Variants in DOCK7 observed in about 807,000 individuals in gnomAD.
The protein encoded by DOCK7 is dedicator of cytokinesis 7.
DOCK7 carries 138 observed loss-of-function variants against 271.0 expected under a neutral mutation model. The ratio of observed to expected loss-of-function variants is 0.51; its 90% CI spans 0.44 to 0.59. The LOEUF is 0.59. DOCK7 is among the 20% of genes least tolerant of loss of function. The pLI is 0.00. For synonymous variants in DOCK7, 823 were observed against 876.1 expected (o/e 0.94, Z 1.07); for missense variants, 2,066 against 2,592.4 (o/e 0.80, Z 4.41).
intron 14 of DOCK7, chr1:62,605,497 A>G (rs1650855008): frequency 6.6e-6 from 1 of 152,618 alleles, no homozygotes; most frequent in Non-Finnish European, 1.5e-5. Context: ...ATGAGGTATC[A>G]CTATACCTTA....
chr1:62,604,819 C>G, intron 14 of DOCK7: 5 of 1,612,366 alleles, frequency 3.1e-6, no homozygotes, highest in Non-Finnish European at 4.2e-6. Context: ...TTTGAATGAA[C>G]TGAGGCAAAT....
rs1302012794 is a variant in DOCK7 at position 62,457,627 on chromosome 1, G to A, written c.6291C>T (p.Asn2097=). The change falls in exon 49 of 50, where the codon AAC becomes AAT. Residue 2097 remains asparagine, a synonymous_variant. Transcript: ENST00000635253. The part of the protein sequence containing the change: ...QKEYQRELER[N]YHRLKEALQP... ...GTAGGGCCTCTTTAAGGCGATGATAGTTTCTCTCCAGTTCCCTTTGATACT... is the reference window on the plus strand; with the variant it reads ...GTAGGGCCTCTTTAAGGCGATGATAATTTCTCTCCAGTTCCCTTTGATACT... 7 of 1,614,038 alleles carry A rather than the reference G, an allele frequency of 4.3e-6. No individual in the cohort carries two copies. Among genetic ancestry groups the A allele is most frequent in the Admixed American group, 1.7e-5 (1 of 60,012 alleles).
chr1:62,613,083 C>T (rs1050280677), intron 14 of DOCK7, among the ~76,000 whole-genome samples: 4 of 152,186 alleles, frequency 2.6e-5, no homozygotes, highest in Non-Finnish European at 5.9e-5. Context: ...AGTAACATTG[C>T]ATACAATCTA....
chr1:62,513,253 C>CGGGGGGGGGGGGG (rs61042514), intron 33 of DOCK7, among the ~76,000 whole-genome samples, 191 bp downstream of exon 33: 2 of 35,448 alleles, frequency 5.6e-5, no homozygotes, highest in Non-Finnish European at 5.8e-5. Context: ...CTAGAGAAAA[C>CGGGGGGGGGGGGG]GGGGGGGGGG....
intron 1 of DOCK7, among the ~76,000 whole-genome samples, chr1:62,663,346 T>G (rs1279242021): frequency 6.6e-6 from 1 of 152,176 alleles, no homozygotes; most frequent in Non-Finnish European, 1.5e-5. Flanking sequence ...GGTACAAGAC[T>G]GACAGACAAC....
intron 1 of DOCK7, among the ~76,000 whole-genome samples, chr1:62,685,330 C>T (rs1661604023): frequency 6.6e-6 from 1 of 152,148 alleles, no homozygotes; most frequent in Non-Finnish European, 1.5e-5. Context: ...AGAATTTGTG[C>T]TATACTTCCT....
chr1:62,614,927 G>GA (rs1571776356), intron 14 of DOCK7, among the ~76,000 whole-genome samples: 1 of 151,258 alleles, frequency 6.6e-6, no homozygotes, highest in Admixed American at 6.6e-5. Context: ...ACATTGACTG[G>GA]AAAAAAAATG....
chr1:62,517,539 G>A (rs966173111), intron 31 of DOCK7, among the ~76,000 whole-genome samples: 6 of 152,142 alleles, frequency 3.9e-5, no homozygotes, highest in African/African-American at 1.4e-4. Flanking sequence ...AGGTTGCAGT[G>A]AGCCGAGATT....
At chr1:62,492,988 C>A in intron 40 of DOCK7, 141 bp from the exon 41 acceptor site, 1 of 610,506 alleles carries the variant, frequency 1.6e-6, no homozygotes, top group South Asian at 2.7e-5. Context: ...AAAGATAAAT[C>A]TCTAAAAACT....
At chr1:62,671,509 G>A (rs1186031770) in intron 1 of DOCK7, among the ~76,000 whole-genome samples, 2 of 152,150 alleles carry the variant, frequency 1.3e-5, no homozygotes, top group African/African-American at 4.8e-5. Context: ...TAAGAATTTA[G>A]AGAGAGGAAA....
intron 14 of DOCK7, chr1:62,598,888 T>C (rs1649694678): frequency 1.2e-6 from 1 of 851,322 alleles, no homozygotes. Flanking sequence ...TTACAAGCTT[T>C]AACTGGATCA....
At chr1:62,483,864 G>C (rs1437466687) in intron 43 of DOCK7, 1 of 152,152 alleles carries the variant, frequency 6.6e-6, no homozygotes, top group East Asian at 1.9e-4. Context: ...TACAGGTGTG[G>C]GCCACTGTGC....
chr1:62,682,508 A>G (rs1366836106), intron 1 of DOCK7, among the ~76,000 whole-genome samples: 2 of 152,188 alleles, frequency 1.3e-5, no homozygotes, highest in African/African-American at 4.8e-5. Context: ...AGCAGTATAA[A>G]AACAGGGAAG....
chr1:62,596,603 T>C (rs1649284530), intron 14 of DOCK7, among the ~76,000 whole-genome samples: 1 of 152,114 alleles, frequency 6.6e-6, no homozygotes, highest in African/African-American at 2.4e-5. Context: ...GAGCCCAGTA[T>C]TTCCAGACCA....
chr1:62,635,094 T>C (rs1179764161), intron 8 of DOCK7, 172 bp from the exon 9 acceptor site: 2 of 417,966 alleles, frequency 4.8e-6, no homozygotes, highest in Admixed American at 8.3e-5. Context: ...AAATTAAATT[T>C]CTATTTTCTT....
intron 10 of DOCK7, among the ~76,000 whole-genome samples, chr1:62,632,861 G>C (rs1654794919): frequency 6.6e-6 from 1 of 151,808 alleles, no homozygotes; most frequent in Non-Finnish European, 1.5e-5. Flanking sequence ...CCTGTAATTT[G>C]AGCTGCTTGG....
intron 27 of DOCK7, among the ~76,000 whole-genome samples, chr1:62,538,293 A>G (rs1468650131): frequency 1.3e-5 from 2 of 152,208 alleles, no homozygotes; most frequent in East Asian, 3.8e-4. Context: ...ACATTCTTGT[A>G]TTTCCAATAT....
At position 62,561,620 on chromosome 1, in the gene DOCK7, T is replaced by A; in HGVS notation, c.2196A>T (p.Thr732=). Residue 732 remains threonine (T), a synonymous_variant, in exon 19 of 50, where the codon ACA becomes ACT. Transcript: ENST00000635253. ...AATAAAAATTATTAAAACTCACTTGTGTATGGATAGACGAAACAGCAACAA... is the reference window on the plus strand; with the variant it reads ...AATAAAAATTATTAAAACTCACTTGAGTATGGATAGACGAAACAGCAACAA... ...VEVVAVSSIH[T]QDPYLDKFFA... The A allele has an allele frequency of 6.4e-7, 1 of 1,558,036 alleles. No individual in the cohort carries two copies. The highest frequency in any genetic ancestry group is 8.6e-7 in the Non-Finnish European group (1 of 1,159,460).
At chr1:62,635,885 A>C (rs1420967074) in intron 8 of DOCK7, among the ~76,000 whole-genome samples, 1 of 152,066 alleles carries the variant, frequency 6.6e-6, no homozygotes, top group Non-Finnish European at 1.5e-5. Context: ...AAAGTGCTGC[A>C]ATTACAGATG....
Sources: allele counts gnomAD v4.1 joint callset (sites outside exome capture counted in the v4.1 genomes callset), GRCh38; gene constraint gnomAD v4.1.1; transcripts MANE v1.5; gene names NCBI Gene and HGNC (gene_info 2026-07-23, HGNC 2026-07-21).